Variants in COL24A1 observed in about 807,000 individuals in gnomAD.
The protein encoded by COL24A1 is collagen type XXIV alpha 1 chain.
In COL24A1, 224 loss-of-function variants were observed where a neutral mutation model predicts 253.9. The ratio of observed to expected loss-of-function variants is 0.88; its 90% CI spans 0.79 to 0.99. COL24A1 has a LOEUF of 0.99. Ranked by LOEUF, COL24A1 falls within the 50% of genes least tolerant of loss-of-function variation. The probability of loss-of-function intolerance (pLI) is 0.00; values close to 1 mark genes in which losing one functional copy is unlikely to be tolerated. For synonymous variants in COL24A1, 685 were observed against 673.7 expected (o/e 1.02, Z -0.26); for missense variants, 2,131 against 2,068.5 (o/e 1.03, Z -0.59).
At chr1:85,783,608 A>T in intron 50 of COL24A1, 50 bp from the exon 51 acceptor site, 2 of 1,487,628 alleles carry the variant, frequency 1.3e-6, no homozygotes, top group Non-Finnish European at 1.9e-6. Context: ...CTCTATATGA[A>T]CATTTTACAA....
chr1:85,859,915 T>C (rs1355944063), intron 37 of COL24A1, among the ~76,000 whole-genome samples: 3 of 152,044 alleles, frequency 2.0e-5, no homozygotes, highest in Non-Finnish European at 2.9e-5. Context: ...TCCAGGAGTT[T>C]AAGTCCAGCC....
chr1:86,089,807 T>G (rs1242613059), intron 6 of COL24A1, among the ~76,000 whole-genome samples: 1 of 151,954 alleles, frequency 6.6e-6, no homozygotes, highest in Non-Finnish European at 1.5e-5. Context: ...GCAACAAGAG[T>G]GAAACTCTGT....
intron 14 of COL24A1, among the ~76,000 whole-genome samples, chr1:86,023,440 C>T (rs1375440198): frequency 6.6e-6 from 1 of 152,042 alleles, no homozygotes; most frequent in Non-Finnish European, 1.5e-5. Context: ...TTACTATGTG[C>T]CAGACATCCT....
chr1:85,905,706 C>G (rs527469503), intron 28 of COL24A1, among the ~76,000 whole-genome samples: 1 of 152,096 alleles, frequency 6.6e-6, no homozygotes, highest in East Asian at 1.9e-4. Flanking sequence ...AGTGACAAAT[C>G]AGGAAACAGT....
chr1:86,102,718 A>C (rs764057271), intron 5 of COL24A1, among the ~76,000 whole-genome samples: 18 of 152,082 alleles, frequency 1.2e-4, no homozygotes, highest in Non-Finnish European at 1.9e-4. Context: ...TGGATTTCTA[A>C]TTTTACTTTG....
rs575357703 is a variant in COL24A1 at position 85,770,677 on chromosome 1, A to AAAATAAGCT, written c.4374+4988_4374+4996dup. ...ATCTATACAATAAAAAACTTATTAA[A>AAAATAAGCT]AAATAAGCTTAGCATGATCTCTGCT... On this transcript the variant is annotated intron_variant, in intron 53 of 59. Coordinates refer to ENST00000370571, the MANE Select transcript of COL24A1 (RefSeq NM_152890.7). 1.1e-4 allele frequency among the ~76,000 whole-genome samples: 17 copies of AAAATAAGCT among 152,328 alleles called. No individual in the cohort carries two copies. In the East Asian group the frequency reaches 3.3e-3, roughly 29 times the overall value.
At chr1:85,934,736 G>A (rs1277543760) in intron 24 of COL24A1, among the ~76,000 whole-genome samples, 1 of 152,060 alleles carries the variant, frequency 6.6e-6, no homozygotes, top group Non-Finnish European at 1.5e-5. Context: ...TTGCCCATTT[G>A]TTTACTTATT....
At chr1:85,877,738 T>G (rs903828704) in intron 32 of COL24A1, among the ~76,000 whole-genome samples, 1 of 152,232 alleles carries the variant, frequency 6.6e-6, no homozygotes, top group Non-Finnish European at 1.5e-5. Context: ...ATTCTTTTAT[T>G]CTTTAATGCA....
intron 19 of COL24A1, among the ~76,000 whole-genome samples, chr1:86,001,436 T>A (rs971351339): frequency 6.6e-6 from 1 of 152,182 alleles, no homozygotes; most frequent in African/African-American, 2.4e-5. Flanking sequence ...ACCATTTGCA[T>A]GGTATGGTTA....
At chr1:85,968,681 G>T (rs10493778) in intron 22 of COL24A1, among the ~76,000 whole-genome samples, 17,597 of 150,394 alleles carry the variant, frequency 0.12, 1,135 homozygotes, top group South Asian at 0.23. Context: ...ATTTCCACTG[G>T]TTGGTAAGAG....
At chr1:85,877,015 A>G in intron 33 of COL24A1, 107 bp downstream of exon 33, 2 of 739,282 alleles carry the variant, frequency 2.7e-6, no homozygotes, top group South Asian at 4.4e-5. Context: ...ATATGAAACA[A>G]TACTATAGAA....
intron 43 of COL24A1, among the ~76,000 whole-genome samples, chr1:85,831,323 T>C (rs1675254075): frequency 6.6e-6 from 1 of 152,064 alleles, no homozygotes; most frequent in Non-Finnish European, 1.5e-5. Context: ...ATGAGCAAAC[T>C]ACAAAACTCT....
At chr1:86,034,614 T>C (rs554029118) in intron 12 of COL24A1, among the ~76,000 whole-genome samples, 1 of 152,206 alleles carries the variant, frequency 6.6e-6, no homozygotes, top group Non-Finnish European at 1.5e-5. Flanking sequence ...GTCCTTTAAG[T>C]ACAGTTTTAT....
At chr1:86,146,278 G>T in intron 1 of COL24A1, 95 bp from the exon 2 acceptor site, 1 of 934,734 alleles carries the variant, frequency 1.1e-6, no homozygotes, top group Non-Finnish European at 1.7e-6. Flanking sequence ...TAAGAATTAA[G>T]CAATTATTTT....
At chr1:85,771,438 T>C (rs1194552610) in intron 53 of COL24A1, among the ~76,000 whole-genome samples, 1 of 152,162 alleles carries the variant, frequency 6.6e-6, no homozygotes, top group African/African-American at 2.4e-5. Flanking sequence ...AATTCATCCT[T>C]TTTTATGGCT....
At chr1:85,952,786 A>C (rs745795242) in intron 24 of COL24A1, among the ~76,000 whole-genome samples, 1 of 152,210 alleles carries the variant, frequency 6.6e-6, no homozygotes, top group Non-Finnish European at 1.5e-5. Flanking sequence ...GAAAGTCTAA[A>C]ATATATACTC....
intron 5 of COL24A1, among the ~76,000 whole-genome samples, chr1:86,107,196 T>A (rs1415747953): frequency 6.6e-6 from 1 of 152,156 alleles, no homozygotes; most frequent in Non-Finnish European, 1.5e-5. Context: ...CATTTCCAAT[T>A]TTGTCTCCCC....
intron 39 of COL24A1, 71 bp from the exon 40 acceptor site, chr1:85,842,464 C>A: frequency 9.6e-7 from 1 of 1,044,616 alleles, no homozygotes; most frequent in Non-Finnish European, 1.4e-6. Flanking sequence ...ACTTCTACTC[C>A]TATTGTTTAA....
intron 7 of COL24A1, among the ~76,000 whole-genome samples, chr1:86,079,085 T>C (rs573073192): frequency 6.6e-6 from 1 of 152,188 alleles, no homozygotes; most frequent in African/African-American, 2.4e-5. Flanking sequence ...CAAAACAGCA[T>C]GGTACCAGCA....
Sources: gnomAD v4.1 joint callset for allele counts (sites outside exome capture counted in the v4.1 genomes callset) on GRCh38, gnomAD v4.1.1 for gene constraint, MANE v1.5 for transcripts, NCBI Gene and HGNC (gene_info 2026-07-23, HGNC 2026-07-21) for gene names.